Variants in BANK1 observed in about 807,000 individuals in gnomAD.
The protein encoded by BANK1 is B cell scaffold protein with ankyrin repeats 1, also known as B-cell scaffold protein with ankyrin repeats.
BANK1 carries 95 observed loss-of-function variants against 94.5 expected under a neutral mutation model. The observed-to-expected ratio is 1.00, with a 90% CI of 0.85 to 1.19. The LOEUF (loss-of-function observed/expected upper bound fraction) is 1.19. Ranked by LOEUF, BANK1 falls within the 50% of genes most tolerant of loss-of-function variation. BANK1 has a pLI of 0.00. For missense variants in BANK1, 987 were observed against 932.2 expected, an observed-to-expected ratio of 1.06 and a Z score of -0.77; for synonymous variants, 334 against 308.4, an observed-to-expected ratio of 1.08 and a Z score of -0.87.
chr4:102,057,211 A>C (rs1728253950), intron 11 of BANK1, among the ~76,000 whole-genome samples: 2 of 150,998 alleles, frequency 1.3e-5, no homozygotes, highest in South Asian at 4.2e-4. Context: ...AATCTTTGTC[A>C]CTAGTTCTCG....
At chr4:101,969,631 A>T (rs1578427782) in intron 7 of BANK1, among the ~76,000 whole-genome samples, 1 of 152,130 alleles carries the variant, frequency 6.6e-6, no homozygotes, top group East Asian at 1.9e-4. Context: ...ATTTGAATAA[A>T]AAATGACCCT....
chr4:101,996,709 A>T (rs577585021), intron 7 of BANK1, among the ~76,000 whole-genome samples: 1 of 152,006 alleles, frequency 6.6e-6, no homozygotes, highest in African/African-American at 2.4e-5. Flanking sequence ...ATGGGAGTTC[A>T]CTCATGATTT....
chr4:101,916,801 T>A (rs564595815), intron 6 of BANK1, among the ~76,000 whole-genome samples: 2 of 151,952 alleles, frequency 1.3e-5, no homozygotes, highest in African/African-American at 4.8e-5. Context: ...TAGAAGAAAA[T>A]GAAAAGTAAA....
At chr4:102,007,040 A>AAT (rs1186173839) in intron 7 of BANK1, among the ~76,000 whole-genome samples, 35 of 128,422 alleles carry the variant, frequency 2.7e-4, no homozygotes, top group Middle Eastern at 3.8e-3. Flanking sequence ...CTTAATGGTA[A>AAT]ATATATATAT....
At chr4:101,871,621 G>GGA (rs1277312762) in intron 5 of BANK1, among the ~76,000 whole-genome samples, 2 of 152,096 alleles carry the variant, frequency 1.3e-5, no homozygotes, top group African/African-American at 4.8e-5. Context: ...TTGTCAAAAT[G>GGA]GAGAGTCTGA....
intron 4 of BANK1, among the ~76,000 whole-genome samples, chr4:101,870,049 G>A (rs1049706617): frequency 2.0e-5 from 3 of 151,756 alleles, no homozygotes; most frequent in African/African-American, 4.8e-5. Flanking sequence ...AATACAAATT[G>A]TATCATTTAA....
At chr4:102,007,355 G>A (rs1042325210) in intron 7 of BANK1, among the ~76,000 whole-genome samples, 11 of 150,790 alleles carry the variant, frequency 7.3e-5, no homozygotes, top group Non-Finnish European at 1.6e-4. Flanking sequence ...GAGTTATACT[G>A]ATTACAAACA....
chr4:101,794,404 G>A (rs1351294014), intron 1 of BANK1, among the ~76,000 whole-genome samples: 1 of 152,060 alleles, frequency 6.6e-6, no homozygotes, highest in Non-Finnish European at 1.5e-5. Flanking sequence ...CATGTTTTAA[G>A]AGTTTAAATG....
chr4:102,071,367 C>A, intron 14 of BANK1, 63 bp downstream of exon 14: 2 of 1,473,404 alleles, frequency 1.4e-6, no homozygotes, highest in Non-Finnish European at 1.9e-6. Flanking sequence ...AAATCAATTT[C>A]AATATTAATG....
At chr4:101,943,483 G>T (rs1167279378) in intron 7 of BANK1, among the ~76,000 whole-genome samples, 1 of 151,810 alleles carries the variant, frequency 6.6e-6, no homozygotes, top group Non-Finnish European at 1.5e-5. Context: ...TGGGTGGATT[G>T]GTGTGGGGAT....
intron 1 of BANK1, among the ~76,000 whole-genome samples, chr4:101,801,279 T>C (rs919705101): frequency 6.6e-5 from 10 of 152,216 alleles, no homozygotes; most frequent in African/African-American, 2.2e-4. Context: ...GATGATACTA[T>C]TTTGAATTTA....
intron 1 of BANK1, among the ~76,000 whole-genome samples, chr4:101,816,186 G>A (rs537045508): frequency 1.3e-5 from 2 of 152,224 alleles, no homozygotes; most frequent in South Asian, 4.1e-4. Flanking sequence ...TTGTTATGCA[G>A]GTATAATTGC....
intron 7 of BANK1, among the ~76,000 whole-genome samples, chr4:101,998,003 G>A (rs1210308879): frequency 2.6e-5 from 4 of 152,070 alleles, no homozygotes; most frequent in Non-Finnish European, 4.4e-5. Flanking sequence ...TGTTAATTGC[G>A]ATGTAAGAGT....
intron 7 of BANK1, among the ~76,000 whole-genome samples, chr4:101,969,933 G>GT (rs1479947994): frequency 6.6e-6 from 1 of 152,148 alleles, no homozygotes; most frequent in African/African-American, 2.4e-5. Flanking sequence ...CCTATAGGGA[G>GT]TGTGTATTTA....
At chr4:102,029,639 CA>C (rs1246908511) in intron 9 of BANK1, among the ~76,000 whole-genome samples, 1 of 149,408 alleles carries the variant, frequency 6.7e-6, no homozygotes, top group African/African-American at 2.4e-5. Context: ...TCTCTCTACA[CA>C]AAATAATATG....
intron 7 of BANK1, among the ~76,000 whole-genome samples, chr4:101,976,372 T>G (rs561534711): frequency 6.6e-6 from 1 of 152,266 alleles, no homozygotes; most frequent in South Asian, 2.1e-4. Context: ...TCCAGGATTC[T>G]GATTAATGCT....
At chr4:101,814,746 T>C (rs1725844275) in intron 1 of BANK1, among the ~76,000 whole-genome samples, 1 of 152,200 alleles carries the variant, frequency 6.6e-6, no homozygotes, top group African/African-American at 2.4e-5. Context: ...AACGTTTTTG[T>C]TTAACATTTT....
At chr4:101,850,832 T>G (rs1041172104) in intron 2 of BANK1, among the ~76,000 whole-genome samples, 10 of 152,214 alleles carry the variant, frequency 6.6e-5, no homozygotes, top group African/African-American at 2.4e-4. Flanking sequence ...TGCCATGGAC[T>G]GCACCCATAC....
chr4:102,055,726 A>G (rs1728204891), intron 11 of BANK1, among the ~76,000 whole-genome samples: 1 of 152,126 alleles, frequency 6.6e-6, no homozygotes, highest in Admixed American at 6.5e-5. Flanking sequence ...CTGTAAATTC[A>G]AAACATACAC....
Sources: allele counts gnomAD v4.1 joint callset (sites outside exome capture counted in the v4.1 genomes callset), GRCh38; gene constraint gnomAD v4.1.1; transcripts MANE v1.5; gene names NCBI Gene and HGNC (gene_info 2026-07-23, HGNC 2026-07-21).